Variants in PTCD2 observed in about 807,000 individuals in gnomAD.
PTCD2 encodes the protein pentatricopeptide repeat domain 2, also known as pentatricopeptide repeat-containing protein 2, mitochondrial.
Under a neutral mutation model 42.6 loss-of-function variants are expected in PTCD2, and 31 were observed. The observed-to-expected ratio is 0.73, with a 90% CI of 0.55 to 0.98. The LOEUF (loss-of-function observed/expected upper bound fraction) is 0.98, where lower values mean the gene tolerates loss of function less well. PTCD2 is among the 50% of genes least tolerant of loss of function. PTCD2 has a pLI of 0.00. For missense variants in PTCD2, 476 were observed against 454.8 expected (o/e 1.05, Z -0.42); for synonymous variants, 183 against 170.9 (o/e 1.07, Z -0.55).
Position 72,362,030 on chromosome 5 carries a change from G to A in PTCD2, c.*3603G>A, listed in dbSNP as rs1052985660. 1 of 152,248 alleles carries A rather than the reference G, an allele frequency of 6.6e-6. No homozygotes were observed. Among genetic ancestry groups the A allele is most frequent in the African/African-American group, 2.4e-5 (1 of 41,444 alleles). 9.4% of individuals were successfully genotyped at this position (152,248 alleles called of 1,614,324 possible). A position where few individuals can be genotyped will look rare whatever the true frequency, so the allele number is the denominator to read the frequency against. ...CTCTGTTTGCTGGGTGCCTAGCATGGTAGGGGATGTATCAGAGGATTAGTA... is the reference window on the plus strand; with the variant it reads ...CTCTGTTTGCTGGGTGCCTAGCATGATAGGGGATGTATCAGAGGATTAGTA... On this transcript the variant is annotated 3_prime_UTR_variant, in exon 10 of 10. Transcript: ENST00000380639.
rs193248146 is a variant in PTCD2, at chr5:72,340,914, G to A, written c.754-2048G>A. Among the ~76,000 whole-genome samples, 6 of 151,150 alleles carry A rather than the reference G, an allele frequency of 4.0e-5. No individual in the cohort carries two copies. The East Asian group carries it at 9.7e-4, about 24-fold the overall frequency. On this transcript the variant is annotated intron_variant, in intron 7 of 9. Coordinates refer to ENST00000380639, the MANE Select transcript of PTCD2 (RefSeq NM_024754.5). ...CTCATTTCTATCTTCTATATCCATG[G>A]AAATATTTTTCAATTAGGGTTTCTT...
chr5:72,358,559 C>T lies in PTCD2; in HGVS notation c.*132C>T. 7 of 673,608 alleles carry T rather than the reference C, an allele frequency of 1.0e-5. No individual in the cohort carries two copies. Among genetic ancestry groups the T allele is most frequent in the East Asian group, 2.7e-5 (1 of 36,968 alleles). 41.7% of individuals were successfully genotyped at this position (673,608 alleles called of 1,614,324 possible). A position where few individuals can be genotyped will look rare whatever the true frequency, so the allele number is the denominator to read the frequency against. On this transcript the variant is annotated 3_prime_UTR_variant, in exon 10 of 10. Transcript: ENST00000380639. ...GGTCTTCTCCTGAAATTCCCAAATT[C>T]ACTGAATGGTACCATGCCGATCTCT...
chr5:72,362,955 G>A lies in PTCD2; in HGVS notation c.*4528G>A, dbSNP rs1278166452. On this transcript the variant is annotated 3_prime_UTR_variant, in exon 10 of 10. Coordinates refer to ENST00000380639, the MANE Select transcript of PTCD2 (RefSeq NM_024754.5). The stretch of plus-strand genomic sequence containing the variant: ...TGATAGTTTTGTTGAGGATGATTCA[G>A]GAAATAAATACAAACTTTTAACTAC... The A allele has an allele frequency of 1.3e-5, 2 of 152,138 alleles. No homozygotes were observed. The highest frequency in any genetic ancestry group is 2.9e-5 in the Non-Finnish European group (2 of 68,028). The allele number at this position is 152,138 out of a possible 1,614,324, so 9.4% of individuals were successfully genotyped here.
At position 72,364,004 on chromosome 5, in the gene PTCD2, C is replaced by T. The variant is rs374096867; in HGVS notation, c.*5577C>T. On this transcript the variant is annotated 3_prime_UTR_variant, in exon 10 of 10. Coordinates refer to ENST00000380639, the MANE Select transcript of PTCD2 (RefSeq NM_024754.5). ...GTAATATTTGATATGCATAAGAAACCGTGAGGAACCAAATCATGGTAAAAT... is the reference window on the plus strand; with the variant it reads ...GTAATATTTGATATGCATAAGAAACTGTGAGGAACCAAATCATGGTAAAAT... 2.0e-5 allele frequency: 3 copies of T among 152,202 alleles called. No homozygotes were observed. Among genetic ancestry groups the T allele is most frequent in the South Asian group, 2.1e-4 (1 of 4,824 alleles). The allele number at this position is 152,202 out of a possible 1,614,324, so 9.4% of individuals were successfully genotyped here. A position where few individuals can be genotyped will look rare whatever the true frequency, so the allele number is the denominator to read the frequency against.
At chr5:72,336,266 T>C (rs1253780191) in intron 6 of PTCD2, among the ~76,000 whole-genome samples, 2 of 152,190 alleles carry the variant, frequency 1.3e-5, no homozygotes, top group Non-Finnish European at 1.5e-5. Context: ...TTTGTCCTCA[T>C]ATGTGAAGGC....
rs139273090 is a variant in PTCD2 at position 72,343,288 on chromosome 5, AG to A, written c.828+253del. 3.6e-3 allele frequency among the ~76,000 whole-genome samples: 546 copies of A among 152,280 alleles called. 1 individual carries two copies. Among genetic ancestry groups the A allele is most frequent in the African/African-American group, 0.013 (530 of 41,544 alleles). On this transcript the variant is annotated intron_variant, in intron 8 of 9. Coordinates refer to ENST00000380639, the MANE Select transcript of PTCD2 (RefSeq NM_024754.5). ...AGAGAGGTAGATATGCTCATATATA[AG>A]ACATGGCTAGATGCTGAAGACATGA...
At chr5:72,336,444 C>G (rs1317688942) in intron 6 of PTCD2, among the ~76,000 whole-genome samples, 1 of 152,144 alleles carries the variant, frequency 6.6e-6, no homozygotes, top group Non-Finnish European at 1.5e-5. Flanking sequence ...TTCTTTGTAT[C>G]CCACCACCTA....
At chr5:72,324,630 T>G (rs190813679) in intron 2 of PTCD2, among the ~76,000 whole-genome samples, 35 of 152,330 alleles carry the variant, frequency 2.3e-4, no homozygotes, top group Non-Finnish European at 4.1e-4. Flanking sequence ...ACAGGACTCT[T>G]CTGTCCACTC....
At chr5:72,347,110 A>G (rs895533762) in intron 8 of PTCD2, among the ~76,000 whole-genome samples, 35 of 152,174 alleles carry the variant, frequency 2.3e-4, no homozygotes, top group African/African-American at 8.0e-4. Context: ...GGGTAAGTAA[A>G]TTACCTTAGT....
chr5:72,358,387 G>A lies in PTCD2; in HGVS notation c.1127G>A (p.Arg376His), dbSNP rs1039838304. Residue 376 changes from arginine (R) to histidine (H), a missense_variant, in exon 10 of 10, where the codon CGC becomes CAC. By Grantham distance (29) the Arg-to-His change is conservative. Transcript: ENST00000380639. ...LLLNKRMVSR[R>H]TFQPLSQSLL... is the part of the protein sequence containing the mutation. ...TTAAACAAGAGGATGGTCAGCCGTC[G>A]CACCTTCCAGCCACTCAGCCAGTCC... 1.7e-5 allele frequency: 28 copies of A among 1,613,234 alleles called. No homozygotes were observed. The highest frequency in any genetic ancestry group is 2.3e-5 in the Non-Finnish European group (27 of 1,179,906).
intron 2 of PTCD2, among the ~76,000 whole-genome samples, chr5:72,324,457 A>C (rs1338809912): frequency 1.3e-5 from 2 of 151,878 alleles, no homozygotes; most frequent in East Asian, 3.9e-4. Flanking sequence ...TTCCCTCCAC[A>C]CCTGTCATTC....
At chr5:72,331,637 C>CT (rs1423207218) in intron 4 of PTCD2, among the ~76,000 whole-genome samples, 1 of 152,086 alleles carries the variant, frequency 6.6e-6, no homozygotes, top group Non-Finnish European at 1.5e-5. Flanking sequence ...TGTACACCTG[C>CT]TTTTTTAGGG....
At chr5:72,331,446 T>G (rs1751435893) in intron 4 of PTCD2, 71 bp downstream of exon 4, 3 of 1,039,102 alleles carry the variant, frequency 2.9e-6, no homozygotes, top group Non-Finnish European at 4.6e-6. Flanking sequence ...GCATGTCTTC[T>G]ATGTACATTA....
chr5:72,335,825 C>A lies in PTCD2; in HGVS notation c.579C>A (p.Asn193Lys). 1.2e-6 allele frequency: 2 copies of A among 1,613,888 alleles called. No individual in the cohort carries two copies. Among genetic ancestry groups the A allele is most frequent in the Non-Finnish European group, 1.7e-6 (2 of 1,179,802 alleles). Reference protein sequence around the residue: ...SALQVLIEMKNQDVKFTKDTY... With the variant: ...SALQVLIEMKKQDVKFTKDTY... Reference sequence around the variant, plus strand: ...TGCAAGTATTGATAGAGATGAAAAACCAAGATGTGAAGTTCACCAAAGATA... The same window carrying A: ...TGCAAGTATTGATAGAGATGAAAAAACAAGATGTGAAGTTCACCAAAGATA... Residue 193 changes from asparagine (N) to lysine (K), a missense_variant, in exon 6 of 10, where the codon AAC becomes AAA. Physicochemically the swap from Asn to Lys is moderately conservative, Grantham distance 94. Transcript: ENST00000380639.
At chr5:72,321,121 G>C (rs938995739) in intron 1 of PTCD2, 1 of 152,544 alleles carries the variant, frequency 6.6e-6, no homozygotes, top group Non-Finnish European at 1.5e-5. Context: ...TTTCTGCAGA[G>C]TTTGGAAGCA....
chr5:72,358,145 G>T, intron 9 of PTCD2, 58 bp from the exon 10 acceptor site: 1 of 1,427,922 alleles, frequency 7.0e-7, no homozygotes, highest in African/African-American at 1.4e-5. Flanking sequence ...TAGGGTTATA[G>T]TAAGAATAAG....
intron 1 of PTCD2, chr5:72,320,993 G>A (rs111484943): frequency 0.06 from 9,581 of 160,296 alleles, 543 homozygotes; most frequent in African/African-American, 0.15. Context: ...TTTTAGTAGA[G>A]ACGGGTTTCA....
chr5:72,355,329 A>G (rs1404876453), intron 9 of PTCD2, among the ~76,000 whole-genome samples: 7 of 152,250 alleles, frequency 4.6e-5, no homozygotes, highest in Admixed American at 1.3e-4. Flanking sequence ...GAATCTTTCT[A>G]CAGTATACAC....
intron 9 of PTCD2, among the ~76,000 whole-genome samples, chr5:72,357,293 G>C (rs1263622722): frequency 6.6e-6 from 1 of 152,160 alleles, no homozygotes; most frequent in Non-Finnish European, 1.5e-5. Flanking sequence ...TGAGAAGATA[G>C]CTTTGACACC....
Sources: allele counts gnomAD v4.1 joint callset (sites outside exome capture counted in the v4.1 genomes callset), GRCh38; gene constraint gnomAD v4.1.1; transcripts MANE v1.5; gene names NCBI Gene and HGNC (gene_info 2026-07-23, HGNC 2026-07-21).